Variants in CLEC18B observed in about 807,000 individuals in gnomAD.
The protein encoded by CLEC18B is C-type lectin domain family 18 member B.
A neutral mutation model predicts 60.4 loss-of-function variants in CLEC18B; 5 were observed. The ratio of observed to expected loss-of-function variants is 0.08; its 90% CI spans 0.04 to 0.17. The LOEUF is 0.17. CLEC18B is among the 10% of genes least tolerant of loss of function. CLEC18B has a pLI of 1.00. For synonymous variants in CLEC18B, 16 were observed against 221.2 expected, an observed-to-expected ratio of 0.07 and a Z score of 8.23; for missense variants, 26 against 572.8, an observed-to-expected ratio of 0.05 and a Z score of 9.74.
At chr16:74,421,030 A>G (rs571953724) in intron 1 of CLEC18B, 117 bp downstream of exon 1, 1 of 1,415,330 alleles carries the variant, frequency 7.1e-7, no homozygotes, top group Non-Finnish European at 9.2e-7. Flanking sequence ...TCCTCATTAA[A>G]CCACCCGCAC....
rs775225128 is a variant in CLEC18B, at chr16:74,412,881, C to G, written c.677-1G>C. 3 of 1,612,114 alleles carry G rather than the reference C, an allele frequency of 1.9e-6. No homozygotes were observed. The Admixed American group carries it at 5.0e-5, about 27-fold the overall frequency. On this transcript the variant is annotated splice_acceptor_variant, in intron 5 of 11. Transcript: ENST00000682950. LOFTEE classifies it high-confidence loss of function. ...ATGCGACAAGGATTCCTGGGGACCTCTGGTCAGAGGAGGAGGGGACTCTGA... is the reference window on the plus strand; with the variant it reads ...ATGCGACAAGGATTCCTGGGGACCTGTGGTCAGAGGAGGAGGGGACTCTGA...
chr16:74,413,984 T>C (rs1252253685), intron 3 of CLEC18B, among the ~76,000 whole-genome samples: 1 of 152,306 alleles, frequency 6.6e-6, no homozygotes. Context: ...GTGATTCTCC[T>C]GCCTCAGCCT....
chr16:74,409,894 G>T, intron 10 of CLEC18B: 1 of 1,612,074 alleles, frequency 6.2e-7, no homozygotes, highest in East Asian at 2.2e-5. Flanking sequence ...GGGATGGTGG[G>T]GATTGGAATA....
At chr16:74,422,424 A>G (rs2013721222), upstream of CLEC18B, 1 of 151,626 alleles carries the variant, frequency 6.6e-6, no homozygotes. Context: ...AACTCCGTGG[A>G]AGCTCTGCTG....
At chr16:74,414,182 G>T (rs545984200) in intron 3 of CLEC18B, among the ~76,000 whole-genome samples, 290 of 152,042 alleles carry the variant, frequency 1.9e-3, no homozygotes, top group African/African-American at 6.6e-3. Flanking sequence ...GCCTAGGAAG[G>T]CTTTCTTAGT....
At chr16:74,413,231 G>T in intron 4 of CLEC18B, 73 bp from the exon 5 acceptor site, 3 of 1,611,972 alleles carry the variant, frequency 1.9e-6, no homozygotes. Context: ...GGGCCCTGCT[G>T]CCTACCTCCC....
At position 74,421,391 on chromosome 16, in the gene CLEC18B, A is replaced by C. The variant is rs2013681462; in HGVS notation, c.-121T>G. ...GTCAGGCTGGGCTGGTGGACAAAAG[A>C]GGGGGGCTGGTGAACAAAAGAAGGA... On this transcript the variant is annotated 5_prime_UTR_variant, in exon 1 of 12. Transcript: ENST00000682950. 1 of 1,602,754 alleles carries C rather than the reference A, an allele frequency of 6.2e-7. No homozygotes were observed.
At chr16:74,423,465 G>A (rs538654941), upstream of CLEC18B, among the ~76,000 whole-genome samples, 3 of 152,294 alleles carry the variant, frequency 2.0e-5, no homozygotes, top group Non-Finnish European at 4.4e-5. Context: ...AAGGCAGGCG[G>A]ATCACTTGAG....
intron 2 of CLEC18B, among the ~76,000 whole-genome samples, chr16:74,419,838 C>T (rs2013596990): frequency 6.6e-6 from 1 of 151,584 alleles, no homozygotes; most frequent in Non-Finnish European, 1.5e-5. Flanking sequence ...CCCCACCACC[C>T]TGCCCTGGCT....
chr16:74,413,782 C>T (rs552549005), intron 3 of CLEC18B, 106 bp from the exon 4 acceptor site: 51 of 1,604,716 alleles, frequency 3.2e-5, no homozygotes, highest in African/African-American at 1.1e-4. Flanking sequence ...CTTACCTCTT[C>T]GAGGGCTCAG....
upstream of CLEC18B, among the ~76,000 whole-genome samples, chr16:74,424,028 G>A (rs1163195968): frequency 3.3e-5 from 5 of 152,228 alleles, no homozygotes; most frequent in Admixed American, 3.3e-4. Context: ...CTTTCCCCAG[G>A]TGAGGCTACT....
upstream of CLEC18B, among the ~76,000 whole-genome samples, chr16:74,423,642 T>C (rs1293481548): frequency 6.6e-6 from 1 of 151,600 alleles, no homozygotes; most frequent in Non-Finnish European, 1.5e-5. Flanking sequence ...TGAAGCAAGA[T>C]GGCACCATTG....
At chr16:74,422,224 C>A (rs1478898290), upstream of CLEC18B, 1 of 152,442 alleles carries the variant, frequency 6.6e-6, no homozygotes, top group Admixed American at 6.5e-5. Flanking sequence ...CAGATCTGCA[C>A]CATGGGCCAA....
At chr16:74,417,130 T>C (rs2013450069) in intron 3 of CLEC18B, among the ~76,000 whole-genome samples, 1 of 147,740 alleles carries the variant, frequency 6.8e-6, no homozygotes, top group Non-Finnish European at 1.5e-5. Context: ...TGGGGTGTGG[T>C]GGCTCGTGCC....
chr16:74,421,380 G>C lies in CLEC18B; in HGVS notation c.-110C>G, dbSNP rs1473185457. 6.2e-7 allele frequency: 1 copy of C among 1,604,142 alleles called. No individual in the cohort carries two copies. On this transcript the variant is annotated 5_prime_UTR_variant, in exon 1 of 12. Transcript: ENST00000682950. ...AATCTCCAGGAGTCAGGCTGGGCTG[G>C]TGGACAAAAGAGGGGGGCTGGTGAA...
intron 3 of CLEC18B, among the ~76,000 whole-genome samples, chr16:74,416,063 A>C (rs1223421293): frequency 2.0e-5 from 3 of 152,214 alleles, no homozygotes; most frequent in Non-Finnish European, 4.4e-5. Flanking sequence ...GATCAAGACC[A>C]CCCTGGCTAA....
chr16:74,413,349 C>T (rs1172093448), intron 4 of CLEC18B, among the ~76,000 whole-genome samples, 191 bp from the exon 5 acceptor site: 1 of 152,392 alleles, frequency 6.6e-6, no homozygotes, highest in Non-Finnish European at 1.5e-5. Flanking sequence ...TGGACAAACT[C>T]CCTGATACCA....
chr16:74,416,204 A>G (rs1352674685), intron 3 of CLEC18B, among the ~76,000 whole-genome samples: 6 of 148,702 alleles, frequency 4.0e-5, no homozygotes, highest in Non-Finnish European at 3.0e-5. Flanking sequence ...CGGAGCTTGC[A>G]GTGAGCCGAG....
At chr16:74,416,164 G>A (rs1342020865) in intron 3 of CLEC18B, among the ~76,000 whole-genome samples, 1 of 151,146 alleles carries the variant, frequency 6.6e-6, no homozygotes, top group Middle Eastern at 3.4e-3. Flanking sequence ...TAGGGAGGCT[G>A]AGGCAGGAGA....
Sources: allele counts gnomAD v4.1 joint callset (sites outside exome capture counted in the v4.1 genomes callset), GRCh38; gene constraint gnomAD v4.1.1; transcripts MANE v1.5; gene names NCBI Gene and HGNC (gene_info 2026-07-23, HGNC 2026-07-21).